The following ULK1 variants were observed in gnomAD, a reference collection of about 807,000 sequenced individuals.
ULK1 encodes the protein unc-51 like autophagy activating kinase 1, also known as serine/threonine-protein kinase ULK1.
ULK1 carries 48 observed loss-of-function variants against 117.5 expected under a neutral mutation model. The ratio of observed to expected loss-of-function variants is 0.41; its 90% CI spans 0.32 to 0.52. ULK1 has a LOEUF of 0.52. ULK1 is among the 20% of genes least tolerant of loss of function. ULK1 has a pLI of 0.29. For missense variants in ULK1, 1,387 were observed against 1,473.4 expected, an observed-to-expected ratio of 0.94 and a Z score of 0.96; for synonymous variants, 790 against 637.8, an observed-to-expected ratio of 1.24 and a Z score of -3.60.
rs576604770 is a variant in ULK1 at position 131,921,489 on chromosome 12, G to T, written c.*128G>T. On this transcript the variant is annotated 3_prime_UTR_variant, in exon 28 of 28. Transcript: ENST00000321867. ...TGCTGAGCCCTGCCCTGGGCCCCAC[G>T]GACAGTCAGCCTGCCGGCCTCCCTG... 2 of 1,421,342 alleles carry T rather than the reference G, an allele frequency of 1.4e-6. No homozygotes were observed. The highest frequency in any genetic ancestry group is 2.8e-5 in the African/African-American group (2 of 71,432). 88.0% of individuals were successfully genotyped at this position (1,421,342 alleles called of 1,614,324 possible).
At chr12:131,899,980 G>C (rs750848123) in intron 3 of ULK1, among the ~76,000 whole-genome samples, 2 of 152,136 alleles carry the variant, frequency 1.3e-5, no homozygotes, top group Non-Finnish European at 2.9e-5. Flanking sequence ...AGCTGGGCGT[G>C]GTGGCCCGTG....
At chr12:131,908,243 C>CA (rs1334756039) in intron 5 of ULK1, among the ~76,000 whole-genome samples, 6 of 152,242 alleles carry the variant, frequency 3.9e-5, no homozygotes, top group Admixed American at 3.9e-4. Context: ...GCCTGGGAGA[C>CA]AGACGCTGAG....
At chr12:131,916,669 TG>T in intron 20 of ULK1, 78 bp downstream of exon 20, 2 of 1,412,594 alleles carry the variant, frequency 1.4e-6, no homozygotes, top group Non-Finnish European at 1.9e-6. Context: ...TGGGTACTTC[TG>T]GGGGGTAGAA....
intron 21 of ULK1, 120 bp from the exon 22 acceptor site, chr12:131,917,290 GT>G: frequency 2.7e-6 from 1 of 377,338 alleles, no homozygotes; most frequent in Non-Finnish European, 4.3e-6. Context: ...CTCGGAGGCT[GT>G]GGGACGGGGG....
intron 15 of ULK1, 69 bp from the exon 16 acceptor site, chr12:131,914,283 C>T: frequency 6.3e-7 from 1 of 1,575,994 alleles, no homozygotes; most frequent in Non-Finnish European, 8.6e-7. Flanking sequence ...CTTCTGGTGC[C>T]CCAGCTCCAT....
intron 26 of ULK1, 83 bp from the exon 27 acceptor site, chr12:131,921,017 G>A: frequency 6.8e-7 from 1 of 1,471,060 alleles, no homozygotes; most frequent in Non-Finnish European, 9.0e-7. Context: ...CCACCCCTGG[G>A]CCGCTGCCGT....
At chr12:131,898,646 C>A (rs995702250) in intron 3 of ULK1, among the ~76,000 whole-genome samples, 1 of 151,608 alleles carries the variant, frequency 6.6e-6, no homozygotes, top group Non-Finnish European at 1.5e-5. Flanking sequence ...GGATTACAGG[C>A]GCCTGCCACC....
rs140889701 is a variant in ULK1 at position 131,913,825 on chromosome 12, C to G, written c.1236C>G (p.Pro412=). ...CATCCCCACCCTGCAGCAGCTCCCC[C>G]AGTCCCTCAGGGTAAGCAGGGCCCC... The part of the protein sequence containing the change: ...PSPSPPCSSS[P]SPSGRAGPFS... Residue 412 remains proline (P), a synonymous_variant, in exon 15 of 28, where the codon CCC becomes CCG. Transcript: ENST00000321867. The G allele has an allele frequency of 1.2e-5, 18 of 1,552,536 alleles. No individual in the cohort carries two copies. The highest frequency in any genetic ancestry group is 4.8e-5 in the South Asian group (4 of 84,006).
At position 131,917,455 on chromosome 12, in the gene ULK1, G is replaced by T; in HGVS notation, c.2227G>T (p.Ala743Ser). The T allele has an allele frequency of 6.5e-7, 1 of 1,533,210 alleles. No homozygotes were observed. The highest frequency in any genetic ancestry group is 1.2e-5 in the South Asian group (1 of 81,818). The allele number at this position is 1,533,210 out of a possible 1,614,324, so 95.0% of individuals were successfully genotyped here. ...AGGGAGCCTGCACCCAGGAGCCCGT[G>T]CTGGGGGCACCAGCAGCCCTTCCCC... ...FGGSLHPGAR[A>S]GGTSSPSPVV... Residue 743 changes from alanine (A) to serine (S), a missense_variant, in exon 22 of 28, where the codon GCT (alanine) becomes TCT (serine). By Grantham distance (99) the Ala-to-Ser change is moderately conservative. Transcript: ENST00000321867.
In ULK1 at chr12:131,917,414, C is replaced by A; in HGVS notation, c.2186C>A (p.Pro729His). 6.6e-7 allele frequency: 1 copy of A among 1,519,238 alleles called. No homozygotes were observed. The highest frequency in any genetic ancestry group is 1.3e-5 in the South Asian group (1 of 79,874). 94.1% of individuals were successfully genotyped at this position (1,519,238 alleles called of 1,614,324 possible). Residue 729 changes from proline (P) to histidine (H), a missense_variant, in exon 22 of 28, where the codon CCC becomes CAC. This residue lies in a region of ULK1 where 900 missense variants were observed against 858.9 expected (regional missense o/e 1.05). Coordinates refer to ENST00000321867, the MANE Select transcript of ULK1 (RefSeq NM_003565.4). ...SLQEKPMEIA[P>H]SAGFGGSLHP... is the part of the protein sequence containing the mutation. ...GAGCCCTTCCTTGCTCTCCCAGCACCCTCAGCTGGCTTTGGAGGGAGCCTG... is the reference window on the plus strand; with the variant it reads ...GAGCCCTTCCTTGCTCTCCCAGCACACTCAGCTGGCTTTGGAGGGAGCCTG...
At chr12:131,908,426 G>A (rs1889370791) in intron 5 of ULK1, among the ~76,000 whole-genome samples, 1 of 152,092 alleles carries the variant, frequency 6.6e-6, no homozygotes, top group African/African-American at 2.4e-5. Flanking sequence ...GGGGCTGAGT[G>A]GTGGGGCCGG....
chr12:131,919,934 C>A, intron 25 of ULK1, 45 bp from the exon 26 acceptor site: 1 of 1,595,870 alleles, frequency 6.3e-7, no homozygotes, highest in Non-Finnish European at 8.6e-7. Flanking sequence ...CCAGCCCTGC[C>A]CCGTGTCTGC....
At chr12:131,919,429 G>A (rs766163789) in intron 24 of ULK1, 43 bp from the exon 25 acceptor site, 3 of 1,587,932 alleles carry the variant, frequency 1.9e-6, no homozygotes, top group African/African-American at 1.3e-5. Context: ...TGGCCTGGGG[G>A]CCAGGACCAA....
chr12:131,906,593 C>T, intron 3 of ULK1: 1 of 469,482 alleles, frequency 2.1e-6, no homozygotes, highest in East Asian at 4.0e-5. Context: ...CACACCTGCC[C>T]ACACACCTGG....
At chr12:131,900,489 T>C (rs980434428) in intron 3 of ULK1, among the ~76,000 whole-genome samples, 1 of 152,242 alleles carries the variant, frequency 6.6e-6, no homozygotes, top group Admixed American at 6.5e-5. Flanking sequence ...GCCTCCTTAC[T>C]GAGCATGTGG....
rs1213590584 is a variant in ULK1 at position 131,906,935 on chromosome 12, TGTG to T, written c.279+15_279+17del. 1.2e-6 allele frequency: 2 copies of T among 1,613,896 alleles called. No individual in the cohort carries two copies. Among genetic ancestry groups the T allele is most frequent in the East Asian group, 4.5e-5 (2 of 44,882 alleles). On this transcript the variant is annotated intron_variant, in intron 4 of 27. Transcript: ENST00000321867. The stretch of plus-strand genomic sequence containing the variant: ...TACCTGGTTATGGAGGTGAGTGCCT[TGTG>T]GTGCCAGGACAAGTGCAGGCTGATG...
Position 131,922,163 on chromosome 12 carries a change from T to C in ULK1, c.*802T>C, listed in dbSNP as rs889358690. Reference sequence around the variant, plus strand: ...ATTCCTAAAACGTGTCTTATTTTTATGCAGCTCATTTTTTCTTTAAAGGAG... The same window carrying C: ...ATTCCTAAAACGTGTCTTATTTTTACGCAGCTCATTTTTTCTTTAAAGGAG... On this transcript the variant is annotated 3_prime_UTR_variant, in exon 28 of 28. Coordinates refer to ENST00000321867, the MANE Select transcript of ULK1 (RefSeq NM_003565.4). The C allele has an allele frequency of 2.7e-6, 1 of 370,466 alleles. No individual in the cohort carries two copies. The highest frequency in any genetic ancestry group is 2.1e-5 in the African/African-American group (1 of 47,016). 22.9% of individuals were successfully genotyped at this position (370,466 alleles called of 1,614,324 possible). A position where few individuals can be genotyped will look rare whatever the true frequency, so the allele number is the denominator to read the frequency against.
intron 3 of ULK1, among the ~76,000 whole-genome samples, chr12:131,901,998 A>G (rs1226003667): frequency 6.6e-6 from 1 of 152,022 alleles, no homozygotes. Flanking sequence ...GACCTGCCTC[A>G]ACCCCCTGCG....
rs777391597 is a variant in ULK1 at position 131,915,298 on chromosome 12, C to T, written c.1523-37C>T. The T allele has an allele frequency of 5.6e-6, 9 of 1,611,306 alleles. No homozygotes were observed. In the African/African-American group the frequency reaches 1.2e-4, roughly 22 times the overall value. ...CAGTGGGTGAGGAGGCTGTCTCTGT[C>T]CCAGCTGGACCCTGACAGATCTCTC... On this transcript the variant is annotated intron_variant, in intron 17 of 27. Coordinates refer to ENST00000321867, the MANE Select transcript of ULK1 (RefSeq NM_003565.4).
Sources: gnomAD v4.1 joint callset for allele counts (sites outside exome capture counted in the v4.1 genomes callset) on GRCh38, gnomAD v4.1.1 for gene constraint, gnomAD v4.1.1 regional missense constraint, MANE v1.5 for transcripts, NCBI Gene and HGNC (gene_info 2026-07-23, HGNC 2026-07-21) for gene names.